The following CUL4A variants were observed in gnomAD, a reference collection of about 807,000 sequenced individuals.
CUL4A encodes cullin 4A, also known as cullin-4A.
Under a neutral mutation model 95.5 loss-of-function variants are expected in CUL4A, and 16 were observed. The observed-to-expected ratio is 0.17, with a 90% confidence interval of 0.11 to 0.25. The LOEUF is 0.25. Among genes scored for constraint, CUL4A ranks in the 10% least tolerant of loss-of-function variants. The pLI, the probability that CUL4A is intolerant of heterozygous loss-of-function variation, is 1.00. For synonymous variants in CUL4A, 380 were observed against 353.1 expected, an observed-to-expected ratio of 1.08 and a Z score of -0.85; for missense variants, 610 against 937.0, an observed-to-expected ratio of 0.65 and a Z score of 4.56.
intron 10 of CUL4A, among the ~76,000 whole-genome samples, chr13:113,239,945 T>C (rs2041659324): frequency 6.6e-6 from 1 of 152,264 alleles, no homozygotes. Context: ...ATATTTGGCA[T>C]ATCAGTTTGC....
intron 18 of CUL4A, among the ~76,000 whole-genome samples, chr13:113,256,601 T>C (rs1346755817): frequency 6.6e-6 from 1 of 152,212 alleles, no homozygotes; most frequent in African/African-American, 2.4e-5. Flanking sequence ...TTTTGATTTC[T>C]GATTCTTTAC....
rs776240214 is a variant in CUL4A at position 113,243,031 on chromosome 13, G to T, written c.1099G>T (p.Asp367Tyr). 1.9e-6 allele frequency: 3 copies of T among 1,614,184 alleles called. No individual in the cohort carries two copies. Among genetic ancestry groups the T allele is most frequent in the Non-Finnish European group, 2.5e-6 (3 of 1,180,028 alleles). ...KDKDMVQDLL[D>Y]FKDKVDHVIE... ...CAAAGACATGGTCCAAGACCTGTTG[G>T]ACTTCAAGGACAAGGTGGACCACGT... Residue 367 changes from aspartate to tyrosine, a missense_variant, in exon 11 of 20, where the codon GAC becomes TAC. Asp to Tyr is a radical substitution (Grantham distance 160, BLOSUM62 -3). Around this residue, in one of 10 missense-constraint regions of CUL4A, gnomAD observed 153 missense variants for 244.5 expected, o/e 0.63. Coordinates refer to ENST00000375440, the MANE Select transcript of CUL4A (RefSeq NM_001008895.4).
intron 3 of CUL4A, among the ~76,000 whole-genome samples, chr13:113,223,868 T>C (rs6577031): frequency 0.68 from 103,233 of 152,102 alleles, 35,719 homozygotes; most frequent in Middle Eastern, 0.79. Context: ...GTTTGATAAA[T>C]TCTGCACTTA....
At chr13:113,263,392 G>A (rs991433732) in intron 19 of CUL4A, 95 bp from the exon 20 acceptor site, 1 of 470,118 alleles carries the variant, frequency 2.1e-6, no homozygotes, top group Non-Finnish European at 3.8e-6. Context: ...ATTTCTATAA[G>A]TATAGTTACA....
chr13:113,239,306 G>T, intron 9 of CUL4A, 127 bp from the exon 10 acceptor site: 2 of 781,914 alleles, frequency 2.6e-6, no homozygotes, highest in South Asian at 2.9e-5. Flanking sequence ...TGTAGAGGCA[G>T]CGATGTGGAG....
rs577247220 is a variant in CUL4A at position 113,263,434 on chromosome 13, G to T, written c.2185-53G>T. 1.8e-3 allele frequency: 1,896 copies of T among 1,065,518 alleles called. 44 individuals are homozygous for T. The South Asian group carries it at 0.022, about 12-fold the overall frequency. The allele number at this position is 1,065,518 out of a possible 1,614,324, so 66.0% of individuals were successfully genotyped here. A position where few individuals can be genotyped will look rare whatever the true frequency, so the allele number is the denominator to read the frequency against. ...ATGCATATACCCCTTGTATGTAAAT[G>T]TTTGTAAATTTAATGCCATTGTAAT... is the stretch of plus-strand genomic sequence containing the variant. On this transcript the variant is annotated intron_variant, in intron 19 of 19. Coordinates refer to ENST00000375440, the MANE Select transcript of CUL4A (RefSeq NM_001008895.4).
At chr13:113,224,310 A>G (rs998715146) in intron 3 of CUL4A, among the ~76,000 whole-genome samples, 5 of 151,872 alleles carry the variant, frequency 3.3e-5, no homozygotes, top group African/African-American at 7.3e-5. Context: ...CCGAGATCGC[A>G]CCACTGCACT....
At chr13:113,215,305 C>T (rs141547569) in intron 2 of CUL4A, among the ~76,000 whole-genome samples, 162 of 133,634 alleles carry the variant, frequency 1.2e-3, no homozygotes, top group Non-Finnish European at 1.8e-3. Context: ...CTATGGAGGT[C>T]GCTGTGTGAC....
intron 5 of CUL4A, chr13:113,230,226 A>T (rs1041274046): frequency 6.5e-6 from 1 of 152,698 alleles, no homozygotes; most frequent in African/African-American, 2.4e-5. Flanking sequence ...ATGAGCTTTA[A>T]ACCCAAGTTC....
At position 113,228,801 on chromosome 13, in the gene CUL4A, AAGAAG is replaced by A. The variant is rs1433128296; in HGVS notation, c.439-644_439-640del. On this transcript the variant is annotated intron_variant, in intron 4 of 19. Coordinates refer to ENST00000375440, the MANE Select transcript of CUL4A (RefSeq NM_001008895.4). ...GCTAAGTGCATCTCCCTAATCTAGT[AAGAAG>A]TAGCACATCAGTCAAAAAAATGACC... Among the ~76,000 whole-genome samples, 5 of 152,190 alleles carry A rather than the reference AAGAAG, an allele frequency of 3.3e-5. No homozygotes were observed. In the East Asian group the frequency reaches 9.7e-4, roughly 29 times the overall value.
intron 15 of CUL4A, among the ~76,000 whole-genome samples, chr13:113,248,722 C>T (rs1033912498): frequency 6.6e-6 from 1 of 152,118 alleles, no homozygotes; most frequent in African/African-American, 2.4e-5. Context: ...TGCATACTCT[C>T]CCATATACTG....
upstream of CUL4A, chr13:113,208,339 G>GC: frequency 7.0e-7 from 1 of 1,431,928 alleles, no homozygotes; most frequent in African/African-American, 1.4e-5. Flanking sequence ...TGGGACCGCC[G>GC]CGTCTACTTA....
chr13:113,251,250 G>A (rs1187281370), intron 15 of CUL4A, among the ~76,000 whole-genome samples: 1 of 152,216 alleles, frequency 6.6e-6, no homozygotes, highest in Non-Finnish European at 1.5e-5. Context: ...TCATGAGGGA[G>A]ATGGGATATG....
intron 18 of CUL4A, among the ~76,000 whole-genome samples, chr13:113,257,975 A>G (rs1595432870): frequency 6.6e-6 from 1 of 152,220 alleles, no homozygotes; most frequent in South Asian, 2.1e-4. Flanking sequence ...ATTCTCTTCT[A>G]TAAATTCTGT....
chr13:113,235,844 A>G (rs1267685515), intron 8 of CUL4A, among the ~76,000 whole-genome samples: 2 of 151,816 alleles, frequency 1.3e-5, no homozygotes, highest in Admixed American at 1.3e-4. Flanking sequence ...GGTGGCGGGA[A>G]CCTATAGTCC....
chr13:113,231,652 C>T (rs2041314011), intron 5 of CUL4A, among the ~76,000 whole-genome samples: 1 of 152,138 alleles, frequency 6.6e-6, no homozygotes, highest in Admixed American at 6.5e-5. Flanking sequence ...TTTAACAGTT[C>T]AGGAAGGAAA....
chr13:113,239,347 GTTC>G (rs1359787825), intron 9 of CUL4A, 83 bp from the exon 10 acceptor site: 7 of 1,154,016 alleles, frequency 6.1e-6, no homozygotes, highest in African/African-American at 1.5e-5. Flanking sequence ...GTGTATTGAC[GTTC>G]TTCTGGTGCA....
At chr13:113,244,324 A>G (rs1254767141) in intron 11 of CUL4A, 86 bp from the exon 12 acceptor site, 2 of 945,390 alleles carry the variant, frequency 2.1e-6, no homozygotes, top group Non-Finnish European at 3.3e-6. Context: ...AAGGTTCCAG[A>G]ATGTTCCTGT....
intron 9 of CUL4A, among the ~76,000 whole-genome samples, chr13:113,237,109 T>C (rs11843824): frequency 0.013 from 1,917 of 152,286 alleles, 41 homozygotes; most frequent in African/African-American, 0.044. Flanking sequence ...CATTCACTGC[T>C]AAAACCCCAG....
Sources: gnomAD v4.1 joint callset for allele counts (sites outside exome capture counted in the v4.1 genomes callset) on GRCh38, gnomAD v4.1.1 for gene constraint, gnomAD v4.1.1 regional missense constraint, MANE v1.5 for transcripts, NCBI Gene and HGNC (gene_info 2026-07-23, HGNC 2026-07-21) for gene names.